The following SH3BP1 variants were observed in gnomAD, a reference collection of about 807,000 sequenced individuals.
The protein encoded by SH3BP1 is SH3 domain-binding protein 1.
SH3BP1 carries 46 observed loss-of-function variants against 69.8 expected under a neutral mutation model. The ratio of observed to expected loss-of-function variants is 0.66; its 90% CI spans 0.52 to 0.84. The LOEUF (loss-of-function observed/expected upper bound fraction) is 0.84. Among genes scored for constraint, SH3BP1 ranks in the 40% least tolerant of loss-of-function variants. SH3BP1 has a pLI of 0.00. For synonymous variants in SH3BP1, 403 were observed against 378.0 expected, an observed-to-expected ratio of 1.07 and a Z score of -0.77; for missense variants, 868 against 930.9, an observed-to-expected ratio of 0.93 and a Z score of 0.88.
chr22:37,643,277 T>C, intron 6 of SH3BP1, 103 bp downstream of exon 6: 1 of 1,024,568 alleles, frequency 9.8e-7, no homozygotes, highest in Non-Finnish European at 1.5e-6. Flanking sequence ...CTGTGGGGTC[T>C]GCTGAGTACA....
chr22:37,641,238 G>A (rs1468146801), intron 2 of SH3BP1, 70 bp downstream of exon 2: 24 of 1,522,472 alleles, frequency 1.6e-5, no homozygotes, highest in Non-Finnish European at 2.1e-5. Flanking sequence ...GGGCCGGGGC[G>A]GGGACGCCAG....
rs1455958702 is a variant in SH3BP1, at chr22:37,655,816, G to T, written c.*132G>T. 1.4e-6 allele frequency: 2 copies of T among 1,463,682 alleles called. No homozygotes were observed. The highest frequency in any genetic ancestry group is 1.8e-6 in the Non-Finnish European group (2 of 1,114,484). 90.7% of individuals were successfully genotyped at this position (1,463,682 alleles called of 1,614,324 possible). On this transcript the variant is annotated 3_prime_UTR_variant, in exon 18 of 18. Coordinates refer to ENST00000649765, the MANE Select transcript of SH3BP1 (RefSeq NM_018957.6). Reference sequence around the variant, plus strand: ...CCCACAAGTGCCTCAGTGCCCACTGGGTCGGCCCCCATGGCCAGGAGGGCT... The same window carrying T: ...CCCACAAGTGCCTCAGTGCCCACTGTGTCGGCCCCCATGGCCAGGAGGGCT...
chr22:37,652,445 A>G (rs1454445701), intron 16 of SH3BP1, among the ~76,000 whole-genome samples: 3 of 151,936 alleles, frequency 2.0e-5, no homozygotes, highest in Admixed American at 2.0e-4. Context: ...TGGTGGGAGG[A>G]TTTCTTGACC....
At position 37,648,351 on chromosome 22, in the gene SH3BP1, A is replaced by G. The variant is rs533250202; in HGVS notation, c.1232A>G (p.Glu411Gly). 1.9e-6 allele frequency: 3 copies of G among 1,577,106 alleles called. No homozygotes were observed. In the South Asian group the frequency reaches 3.5e-5, roughly 18 times the overall value. ...ATGAAGTTCCTGGCACGGCTGGCCGAGGAGCAGGAGGTGAACAAGATGACA... is the reference window on the plus strand; with the variant it reads ...ATGAAGTTCCTGGCACGGCTGGCCGGGGAGCAGGAGGTGAACAAGATGACA... ...YLMKFLARLA[E>G]EQEVNKMTPS... Residue 411 changes from glutamate (E) to glycine (G), a missense_variant, in exon 14 of 18, where the codon GAG becomes GGG. Physicochemically the swap from Glu to Gly is moderately conservative, Grantham distance 98. Around this residue, in one of 3 missense-constraint regions of SH3BP1, gnomAD observed 474 missense variants for 462.3 expected, o/e 1.03. Coordinates refer to ENST00000649765, the MANE Select transcript of SH3BP1 (RefSeq NM_018957.6).
chr22:37,640,901 C>CT (rs1299404193), intron 1 of SH3BP1: 2 of 586,770 alleles, frequency 3.4e-6, no homozygotes, highest in African/African-American at 3.7e-5. Flanking sequence ...CAGGACACAG[C>CT]CCTGGGTGGA....
rs561966158 is a variant in SH3BP1 at position 37,648,307 on chromosome 22, C to T, written c.1200-12C>T. On this transcript the variant is annotated splice_polypyrimidine_tract_variant and intron_variant, in intron 13 of 17. Coordinates refer to ENST00000649765, the MANE Select transcript of SH3BP1 (RefSeq NM_018957.6). ...CGTTCTGCCCCTGGCCTAAGCCTGC[C>T]TCCGCCCTTAGGTACCTGATGAAGT... is the stretch of plus-strand genomic sequence containing the variant. 3.2e-6 allele frequency: 5 copies of T among 1,571,248 alleles called. No individual in the cohort carries two copies. Among genetic ancestry groups the T allele is most frequent in the Admixed American group, 1.8e-5 (1 of 54,510 alleles).
intron 12 of SH3BP1, 27 bp downstream of exon 12, chr22:37,647,375 T>TGGG: frequency 6.2e-7 from 1 of 1,612,578 alleles, no homozygotes. Context: ...AGGGAGGGGA[T>TGGG]GGGGAGGAGG....
In SH3BP1 at chr22:37,655,492, A is replaced by ACCAGCCTCCCCCAGC; in HGVS notation, c.1917_1931dup (p.Ser643_Pro647dup). Reference sequence around the variant, plus strand: ...CTGCCCGGCGCCAAAGCCGGCGTTCACCAGCCTCCCCCAGCCCGGCCTCCC... The same window carrying ACCAGCCTCCCCCAGC: ...CTGCCCGGCGCCAAAGCCGGCGTTCACCAGCCTCCCCCAGCCCAGCCTCCCCCAGCCCGGCCTCCC... On this transcript the variant is annotated inframe_insertion, in exon 18 of 18. Transcript: ENST00000649765. The ACCAGCCTCCCCCAGC allele has an allele frequency of 7.3e-7, 1 of 1,362,762 alleles. No individual in the cohort carries two copies. The highest frequency in any genetic ancestry group is 1.7e-5 in the African/African-American group (1 of 58,718). 84.4% of individuals were successfully genotyped at this position (1,362,762 alleles called of 1,614,324 possible).
chr22:37,653,757 C>G, intron 16 of SH3BP1, 22 bp from the exon 17 acceptor site: 5 of 1,576,320 alleles, frequency 3.2e-6, no homozygotes, highest in Non-Finnish European at 4.4e-6. Context: ...AAGTCTGCCC[C>G]ATCCTCTCCT....
chr22:37,652,916 A>T (rs889450384), intron 16 of SH3BP1, among the ~76,000 whole-genome samples: 1 of 151,430 alleles, frequency 6.6e-6, no homozygotes, highest in Non-Finnish European at 1.5e-5. Context: ...CAGGTGGATC[A>T]CTTGAAGTCA....
At chr22:37,639,965 C>A in intron 1 of SH3BP1, 119 bp downstream of exon 1, 1 of 699,062 alleles carries the variant, frequency 1.4e-6, no homozygotes, top group Non-Finnish European at 2.2e-6. Context: ...ACCCTCTGAG[C>A]GGCCAGACTC....
intron 17 of SH3BP1, among the ~76,000 whole-genome samples, chr22:37,654,443 T>C (rs1347548030): frequency 6.6e-6 from 1 of 151,698 alleles, no homozygotes; most frequent in South Asian, 2.1e-4. Flanking sequence ...TGGTTGCGGG[T>C]GCCTATCATC....
rs201561347 is a variant in SH3BP1, at chr22:37,650,567, C to G, written c.1440C>G (p.Leu480=). 5.9e-5 allele frequency: 95 copies of G among 1,613,334 alleles called. No individual in the cohort carries two copies. Among genetic ancestry groups the G allele is most frequent in the Admixed American group, 3.3e-5 (2 of 59,904 alleles). The change falls in exon 16 of 18, where the codon CTC becomes CTG. Residue 480 remains leucine (L), a synonymous_variant. Transcript: ENST00000649765. ...ACATCAACTTCAACGTGTCAGGCCT[C>G]TTCTCAGCTGTTACCCTCCAGGACA... ...PGDINFNVSG[L]FSAVTLQDTV... is the part of the protein sequence containing the mutation.
rs1465069037 is a variant in SH3BP1 at position 37,641,451 on chromosome 22, G to A, written c.180G>A (p.Gln60=). 6.4e-7 allele frequency: 1 copy of A among 1,551,140 alleles called. No individual in the cohort carries two copies. The highest frequency in any genetic ancestry group is 1.2e-5 in the South Asian group (1 of 84,050). Residue 60 remains glutamine, a synonymous_variant, in exon 3 of 18, where the codon CAG becomes CAA. Transcript: ENST00000649765. ...HKRLQACLQG[Q]SGADMDKRVK... is the part of the protein sequence containing the mutation. The stretch of plus-strand genomic sequence containing the variant: ...GGCTGCAGGCCTGTCTGCAGGGCCA[G>A]AGCGGGGCAGACATGGACAAGCGGG...
intron 9 of SH3BP1, 64 bp downstream of exon 9, chr22:37,645,024 G>A: frequency 1.4e-6 from 2 of 1,411,762 alleles, no homozygotes. Context: ...TTATTGAGAA[G>A]CTCGCACTTC....
At position 37,639,825 on chromosome 22, in the gene SH3BP1, C is replaced by T; in HGVS notation, c.38C>T (p.Ala13Val). 2 of 1,571,858 alleles carry T rather than the reference C, an allele frequency of 1.3e-6. No homozygotes were observed. The highest frequency in any genetic ancestry group is 1.2e-5 in the South Asian group (1 of 85,638). ...KRQLHRMRQLAQTGSLGRTPE... is the reference protein window; with the variant it reads ...KRQLHRMRQLVQTGSLGRTPE... ...CAGCTGCACCGCATGCGGCAGCTGGCCCAGACGGGCAGCTTGGGACGGTGA... is the reference window on the plus strand; with the variant it reads ...CAGCTGCACCGCATGCGGCAGCTGGTCCAGACGGGCAGCTTGGGACGGTGA... The change falls in exon 1 of 18, where the codon GCC (alanine) becomes GTC (valine). Residue 13 changes from alanine to valine, a missense_variant. Physicochemically the swap from Ala to Val is moderately conservative, Grantham distance 64. Around this residue, in one of 3 missense-constraint regions of SH3BP1, gnomAD observed 387 missense variants for 447.9 expected, o/e 0.86. Transcript: ENST00000649765.
chr22:37,644,741 C>G (rs1159611295), intron 8 of SH3BP1, 36 bp downstream of exon 8: 1 of 1,612,502 alleles, frequency 6.2e-7, no homozygotes, highest in East Asian at 2.2e-5. Context: ...ATCCAGAGTT[C>G]AGGGGCTGAA....
chr22:37,641,111 C>CA lies in SH3BP1; in HGVS notation c.60-14dup, dbSNP rs398037090. 6 of 1,359,312 alleles carry CA rather than the reference C, an allele frequency of 4.4e-6. No homozygotes were observed. The African/African-American group carries it at 4.7e-5, about 11-fold the overall frequency. 84.2% of individuals were successfully genotyped at this position (1,359,312 alleles called of 1,614,324 possible). A position where few individuals can be genotyped will look rare whatever the true frequency, so the allele number is the denominator to read the frequency against. ...GCAGAAGCACTCTCCCCCCCCCCCC[C>CA]ACCACTCCCCGCAGCACCCCGGAGA... On this transcript the variant is annotated splice_polypyrimidine_tract_variant and intron_variant, in intron 1 of 17. Coordinates refer to ENST00000649765, the MANE Select transcript of SH3BP1 (RefSeq NM_018957.6).
Position 37,641,468 on chromosome 22 carries a change from A to G in SH3BP1, c.197A>G (p.Asp66Gly). Residue 66 changes from aspartate (D) to glycine (G), a missense_variant, in exon 3 of 18, where the codon GAC (aspartate) becomes GGC (glycine). Coordinates refer to ENST00000649765, the MANE Select transcript of SH3BP1 (RefSeq NM_018957.6). Reference sequence around the variant, plus strand: ...CAGGGCCAGAGCGGGGCAGACATGGACAAGCGGGTGGTGAGTGGGGGGTCC... The same window carrying G: ...CAGGGCCAGAGCGGGGCAGACATGGGCAAGCGGGTGGTGAGTGGGGGGTCC... Reference protein sequence around the residue: ...CLQGQSGADMDKRVKKLPLMA... With the variant: ...CLQGQSGADMGKRVKKLPLMA... 6.4e-7 allele frequency: 1 copy of G among 1,550,666 alleles called. No homozygotes were observed. The highest frequency in any genetic ancestry group is 8.7e-7 in the Non-Finnish European group (1 of 1,146,908).
Sources: gnomAD v4.1 joint callset for allele counts (sites outside exome capture counted in the v4.1 genomes callset) on GRCh38, gnomAD v4.1.1 for gene constraint, gnomAD v4.1.1 regional missense constraint, MANE v1.5 for transcripts, NCBI Gene and HGNC (gene_info 2026-07-23, HGNC 2026-07-21) for gene names.